Variants in INTS7 observed in about 807,000 individuals in gnomAD.
The protein encoded by INTS7 is integrator complex subunit 7.
A neutral mutation model predicts 109.2 loss-of-function variants in INTS7; 46 were observed. The ratio of observed to expected loss-of-function variants is 0.42; its 90% CI spans 0.33 to 0.54. The LOEUF (loss-of-function observed/expected upper bound fraction) is 0.54, where lower values mean the gene tolerates loss of function less well. Among genes scored for constraint, INTS7 ranks in the 20% least tolerant of loss-of-function variants. The pLI is 0.07. For synonymous variants in INTS7, 412 were observed against 402.9 expected (o/e 1.02, Z -0.27); for missense variants, 929 against 1,132.4 (o/e 0.82, Z 2.58).
chr1:211,954,118 T>G (rs980123162), intron 16 of INTS7, among the ~76,000 whole-genome samples: 2 of 152,232 alleles, frequency 1.3e-5, no homozygotes, highest in African/African-American at 4.8e-5. Context: ...GGTATCTCAT[T>G]GTGGTTTTGA....
intron 8 of INTS7, among the ~76,000 whole-genome samples, chr1:211,985,924 A>C (rs1047477217): frequency 6.6e-6 from 1 of 152,214 alleles, no homozygotes; most frequent in African/African-American, 2.4e-5. Context: ...ATGCAGAAAA[A>C]GAATACATTG....
At chr1:212,018,987 C>A (rs991761362) in intron 3 of INTS7, among the ~76,000 whole-genome samples, 1 of 152,166 alleles carries the variant, frequency 6.6e-6, no homozygotes, top group Non-Finnish European at 1.5e-5. Context: ...CAGTGGCTCA[C>A]GCCTGTAATC....
intron 19 of INTS7, among the ~76,000 whole-genome samples, 179 bp downstream of exon 19, chr1:211,944,605 G>A (rs1013686480): frequency 6.6e-6 from 1 of 152,180 alleles, no homozygotes; most frequent in Non-Finnish European, 1.5e-5. Context: ...CTGGTTCAGG[G>A]AGAGAAAAAG....
chr1:211,990,154 T>C (rs1182489031), intron 7 of INTS7, among the ~76,000 whole-genome samples: 1 of 152,158 alleles, frequency 6.6e-6, no homozygotes, highest in African/African-American at 2.4e-5. Context: ...TGAAAATTTA[T>C]GCTCACAAAG....
rs1662856783 is a variant in INTS7, at chr1:211,946,613, G to A, written c.2409C>T (p.Ser803=). Reference sequence around the variant, plus strand: ...AGTATTCTTCCTGTATTACCTTGATGCTGGTAGACTGTAGTTTCTGGAAAA... The same window carrying A: ...AGTATTCTTCCTGTATTACCTTGATACTGGTAGACTGTAGTTTCTGGAAAA... The part of the protein sequence containing the change: ...RYFFQKLQST[S]IKLALSPSPR... Residue 803 remains serine (S), a synonymous_variant, in exon 18 of 20, where the codon AGC becomes AGT. Coordinates refer to ENST00000366994, the MANE Select transcript of INTS7 (RefSeq NM_015434.4). This position sits in a 1 kb window ranked among gnomAD's most constrained non-coding sequence, Gnocchi z 4.3. 6.3e-7 allele frequency: 1 copy of A among 1,589,430 alleles called. No individual in the cohort carries two copies. The highest frequency in any genetic ancestry group is 1.7e-5 in the Admixed American group (1 of 59,908).
At chr1:212,029,503 T>C (rs1314222614) in intron 1 of INTS7, among the ~76,000 whole-genome samples, 1 of 152,240 alleles carries the variant, frequency 6.6e-6, no homozygotes, top group Non-Finnish European at 1.5e-5. Flanking sequence ...TGTGTCTGAC[T>C]GGCAGAGCCT....
chr1:211,962,587 A>T (rs1403279286), intron 16 of INTS7, among the ~76,000 whole-genome samples: 2 of 152,188 alleles, frequency 1.3e-5, no homozygotes, highest in Non-Finnish European at 2.9e-5. Context: ...TGTTCTCATC[A>T]TCATCTCATG....
rs767886053 is a variant in INTS7 at position 211,976,719 on chromosome 1, C to A, written c.1471G>T (p.Val491Leu). The A allele has an allele frequency of 1.4e-5, 22 of 1,613,772 alleles. No individual in the cohort carries two copies. In the East Asian group the frequency reaches 4.7e-4, roughly 34 times the overall value. ...ACAAAAATCACAGTAGCCAAACTCA[C>A]CTAACATTGGGCAAGAAGAAAACCA... ...SATDKQQELL[V>L]SLATVIFVAS... The change falls in exon 12 of 20, where the codon GTG becomes TTG. Residue 491 changes from valine to leucine, a missense_variant and splice_region_variant. Physicochemically the swap from Val to Leu is conservative, Grantham distance 32. Coordinates refer to ENST00000366994, the MANE Select transcript of INTS7 (RefSeq NM_015434.4).
At chr1:212,016,621 C>T (rs1470928524) in intron 4 of INTS7, among the ~76,000 whole-genome samples, 2 of 152,202 alleles carry the variant, frequency 1.3e-5, no homozygotes, top group Non-Finnish European at 2.9e-5. Context: ...CCCAATGAAG[C>T]CTTCTCCAAC....
intron 10 of INTS7, among the ~76,000 whole-genome samples, chr1:211,980,258 T>C (rs1263479408): frequency 1.3e-5 from 2 of 152,094 alleles, no homozygotes; most frequent in Non-Finnish European, 2.9e-5. Flanking sequence ...ATCACAACTT[T>C]CCTTAACCTG....
chr1:211,942,332 G>A lies in INTS7; in HGVS notation c.2602-221C>T, dbSNP rs926100089. Among the ~76,000 whole-genome samples the A allele has an allele frequency of 4.6e-5, 7 of 152,116 alleles. No individual in the cohort carries two copies. Among genetic ancestry groups the A allele is most frequent in the African/African-American group, 1.7e-4 (7 of 41,410 alleles). On this transcript the variant is annotated intron_variant, in intron 19 of 19. Transcript: ENST00000366994. This position sits in a 1 kb window ranked among gnomAD's most constrained non-coding sequence, Gnocchi z 4.2. Reference sequence around the variant, plus strand: ...GAACGGAGTAGGAATCTGAACACAGGCAGACTACCTCCAGGGCCTACACTC... The same window carrying A: ...GAACGGAGTAGGAATCTGAACACAGACAGACTACCTCCAGGGCCTACACTC...
chr1:212,004,029 A>G (rs2102463805), intron 7 of INTS7, among the ~76,000 whole-genome samples: 1 of 152,326 alleles, frequency 6.6e-6, no homozygotes, highest in East Asian at 1.9e-4. Context: ...AAAATGACAA[A>G]GACTGCCAGG....
chr1:211,978,308 A>G lies in INTS7; in HGVS notation c.1434T>C (p.Ile478=), dbSNP rs768551783. The change falls in exon 11 of 20, where the codon ATT becomes ATC. Residue 478 remains isoleucine, a synonymous_variant. Transcript: ENST00000366994. ...GTTGCTTGTCTGTGGCTGATCGTCC[A>G]ATCACCTTGTACAGCTCCATGAGGT... ...LGDLMELYKV[I]GRSATDKQQE... is the part of the protein sequence containing the mutation. The G allele has an allele frequency of 1.2e-6, 2 of 1,614,050 alleles. No individual in the cohort carries two copies. Among genetic ancestry groups the G allele is most frequent in the Non-Finnish European group, 1.7e-6 (2 of 1,180,022 alleles).
intron 17 of INTS7, among the ~76,000 whole-genome samples, chr1:211,948,970 G>A (rs1662965706): frequency 6.6e-6 from 1 of 152,252 alleles, no homozygotes; most frequent in Non-Finnish European, 1.5e-5. Context: ...CTCCCAAAGT[G>A]CTGGGATTAT....
At chr1:211,964,535 A>G (rs1663783911) in intron 16 of INTS7, among the ~76,000 whole-genome samples, 1 of 152,236 alleles carries the variant, frequency 6.6e-6, no homozygotes, top group South Asian at 2.1e-4. Context: ...AAAAAGAGCA[A>G]AGCTGGAGGC....
chr1:211,944,662 T>A (rs1662774093), intron 19 of INTS7, 122 bp downstream of exon 19: 1 of 765,492 alleles, frequency 1.3e-6, no homozygotes, highest in Admixed American at 2.3e-5. Context: ...TTTTAATTTA[T>A]GTCCATCTGA....
At chr1:211,951,649 C>T (rs1175810813) in intron 17 of INTS7, among the ~76,000 whole-genome samples, 3 of 152,144 alleles carry the variant, frequency 2.0e-5, no homozygotes, top group African/African-American at 7.2e-5. Flanking sequence ...CCAGAGCTCT[C>T]GATCTCTCCC....
At chr1:212,017,522 T>C (rs1019977683) in intron 3 of INTS7, among the ~76,000 whole-genome samples, 1 of 152,216 alleles carries the variant, frequency 6.6e-6, no homozygotes, top group Non-Finnish European at 1.5e-5. Flanking sequence ...AGGACGCCCC[T>C]GGGGCTCACA....
chr1:212,021,154 A>C lies in INTS7; in HGVS notation c.153T>G (p.Leu51=), dbSNP rs781627610. Residue 51 remains leucine (L), a synonymous_variant, in exon 2 of 20, where the codon CTT becomes CTG. Coordinates refer to ENST00000366994, the MANE Select transcript of INTS7 (RefSeq NM_015434.4). Reference sequence around the variant, plus strand: ...GAATAGGGAATGGATACTTCTGAAAAAGTCTGGGAAAGCGAACAACTGCTT... The same window carrying C: ...GAATAGGGAATGGATACTTCTGAAACAGTCTGGGAAAGCGAACAACTGCTT... ...QCEAVVRFPR[L]FQKYPFPILI... is the part of the protein sequence containing the mutation. 53 of 1,613,236 alleles carry C rather than the reference A, an allele frequency of 3.3e-5. No homozygotes were observed. In the East Asian group the frequency reaches 7.8e-4, roughly 24 times the overall value.
Sources: gnomAD v4.1 joint callset for allele counts (sites outside exome capture counted in the v4.1 genomes callset) on GRCh38, gnomAD v4.1.1 for gene constraint, Gnocchi (gnomAD v3.1) non-coding constraint, MANE v1.5 for transcripts, NCBI Gene and HGNC (gene_info 2026-07-23, HGNC 2026-07-21) for gene names.